Variants in KCNMA1 observed in about 807,000 individuals in gnomAD.
KCNMA1 encodes potassium calcium-activated channel subfamily M alpha 1.
A neutral mutation model predicts 140.0 loss-of-function variants in KCNMA1; 29 were observed. That is an observed-to-expected ratio of 0.21 (90% CI 0.15 to 0.28). KCNMA1 has a LOEUF of 0.28. Among genes scored for constraint, KCNMA1 ranks in the 10% least tolerant of loss-of-function variants. The pLI is 1.00. For missense variants in KCNMA1, 880 were observed against 1,602.2 expected (o/e 0.55, Z 7.70); for synonymous variants, 612 against 611.9 (o/e 1.00, Z 0.00).
intron 1 of KCNMA1, among the ~76,000 whole-genome samples, chr10:77,484,810 T>C (rs1414851983): frequency 6.6e-6 from 1 of 152,236 alleles, no homozygotes; most frequent in Non-Finnish European, 1.5e-5. Context: ...TTACTGCTGA[T>C]ATGAAAACTC....
chr10:76,929,781 A>G (rs1194277551), intron 23 of KCNMA1, among the ~76,000 whole-genome samples: 1 of 152,186 alleles, frequency 6.6e-6, no homozygotes, highest in Non-Finnish European at 1.5e-5. Context: ...GGTGAGTGCA[A>G]TGTGCAGCTA....
At chr10:77,347,490 A>C (rs926058759) in intron 2 of KCNMA1, among the ~76,000 whole-genome samples, 2 of 152,134 alleles carry the variant, frequency 1.3e-5, no homozygotes, top group African/African-American at 4.8e-5. Flanking sequence ...CCCCTGTCTG[A>C]GGCTGGTTGA....
chr10:77,176,675 C>T (rs978812313), intron 5 of KCNMA1, among the ~76,000 whole-genome samples: 6 of 152,170 alleles, frequency 3.9e-5, no homozygotes, highest in African/African-American at 1.4e-4. Context: ...GCACCCTCTT[C>T]TGGGCTCTGA....
chr10:77,014,903 C>A (rs2091689389), intron 17 of KCNMA1, among the ~76,000 whole-genome samples: 1 of 152,194 alleles, frequency 6.6e-6, no homozygotes, highest in Non-Finnish European at 1.5e-5. Flanking sequence ...CCTTACTGCA[C>A]ACCTGCACCT....
intron 1 of KCNMA1, among the ~76,000 whole-genome samples, chr10:77,554,226 G>A (rs1282197787): frequency 6.6e-6 from 1 of 152,200 alleles, no homozygotes; most frequent in Non-Finnish European, 1.5e-5. Context: ...GCAGAGACAG[G>A]ATCAAAGGCT....
At position 76,947,056 on chromosome 10, in the gene KCNMA1, C is replaced by T. The variant is rs149283900; in HGVS notation, c.2709+2086G>A. On this transcript the variant is annotated intron_variant, in intron 22 of 27. Coordinates refer to ENST00000286628, the MANE Select transcript of KCNMA1 (RefSeq NM_001161352.2). Reference sequence around the variant, plus strand: ...GAACGTGTACAAGGGCACACAGAGCCGGGCGCGGTGGCTGATGCCTGTAAT... The same window carrying T: ...GAACGTGTACAAGGGCACACAGAGCTGGGCGCGGTGGCTGATGCCTGTAAT... 5.3e-3 allele frequency among the ~76,000 whole-genome samples: 814 copies of T among 152,212 alleles called. 4 individuals carry two copies. Among genetic ancestry groups the T allele is most frequent in the Non-Finnish European group, 9.6e-3 (654 of 68,006 alleles).
intron 1 of KCNMA1, among the ~76,000 whole-genome samples, chr10:77,481,774 CA>C (rs61269933): frequency 0.078 from 10,381 of 132,494 alleles, 938 homozygotes; most frequent in African/African-American, 0.24. Context: ...GACTCTGTCT[CA>C]AAAAAAAAAA....
rs7078702 is a variant in KCNMA1, at chr10:76,886,945, G to A, written c.*321C>T. On this transcript the variant is annotated 3_prime_UTR_variant, in exon 28 of 28. Coordinates refer to ENST00000286628, the MANE Select transcript of KCNMA1 (RefSeq NM_001161352.2). ...AATAAACTTGCTCTGCCTAACTGAC[G>A]TTGATCACAAGTGCTCCCTTCTAAT... The A allele has an allele frequency of 2.6e-3, 3,053 of 1,196,804 alleles. 46 individuals carry two copies. The African/African-American group carries it at 0.039, about 15-fold the overall frequency. 74.1% of individuals were successfully genotyped at this position (1,196,804 alleles called of 1,614,324 possible).
At chr10:77,611,257 C>T (rs1379795297) in intron 1 of KCNMA1, among the ~76,000 whole-genome samples, 1 of 152,334 alleles carries the variant, frequency 6.6e-6, no homozygotes, top group East Asian at 1.9e-4. Flanking sequence ...AGAACCTGTG[C>T]TAGGAATGCT....
intron 2 of KCNMA1, among the ~76,000 whole-genome samples, chr10:77,299,837 C>T (rs2076137567): frequency 6.6e-6 from 1 of 152,152 alleles, no homozygotes; most frequent in African/African-American, 2.4e-5. Context: ...GCATCAAGGT[C>T]CCCAGAGCTA....
At chr10:77,603,261 C>T (rs1448825271) in intron 1 of KCNMA1, among the ~76,000 whole-genome samples, 1 of 152,178 alleles carries the variant, frequency 6.6e-6, no homozygotes, top group Non-Finnish European at 1.5e-5. Flanking sequence ...CGCAGGACTT[C>T]CTGCAGAGTC....
intron 2 of KCNMA1, among the ~76,000 whole-genome samples, chr10:77,286,194 C>G (rs1392198565): frequency 6.6e-6 from 1 of 152,066 alleles, no homozygotes; most frequent in Non-Finnish European, 1.5e-5. Flanking sequence ...AAATGGAAAG[C>G]CCATCTCACT....
At chr10:76,966,317 C>T (rs942229597) in intron 20 of KCNMA1, among the ~76,000 whole-genome samples, 1 of 152,174 alleles carries the variant, frequency 6.6e-6, no homozygotes, top group African/African-American at 2.4e-5. Context: ...GAAATCTCAT[C>T]AACCAAAAAG....
intron 3 of KCNMA1, among the ~76,000 whole-genome samples, chr10:77,197,030 A>C (rs1303055764): frequency 6.7e-6 from 1 of 149,450 alleles, no homozygotes; most frequent in South Asian, 2.1e-4. Flanking sequence ...GCCCTAAGGC[A>C]AAAAAAAAAT....
chr10:77,244,246 T>C (rs1286771847), intron 3 of KCNMA1, among the ~76,000 whole-genome samples: 4 of 152,188 alleles, frequency 2.6e-5, no homozygotes, highest in Non-Finnish European at 4.4e-5. Flanking sequence ...CAGGAAAGGA[T>C]GCTGAGGCTC....
At chr10:77,433,426 T>G (rs540527884) in intron 1 of KCNMA1, 2 of 152,336 alleles carry the variant, frequency 1.3e-5, no homozygotes, top group African/African-American at 2.4e-5. Flanking sequence ...ATTCTGGGAT[T>G]ACAGGCATGA....
chr10:77,112,343 A>G, intron 7 of KCNMA1, 24 bp downstream of exon 7: 4 of 1,571,930 alleles, frequency 2.5e-6, no homozygotes, highest in Non-Finnish European at 3.5e-6. Flanking sequence ...AAGCGAGAGC[A>G]GAAGGGTCTT....
rs530841195 is a variant in KCNMA1 at position 76,922,004 on chromosome 10, A to G, written c.2903-6955T>C. On this transcript the variant is annotated intron_variant, in intron 23 of 27. Coordinates refer to ENST00000286628, the MANE Select transcript of KCNMA1 (RefSeq NM_001161352.2). ...TCCCCAAAGGCCACCCCAACAGGGT[A>G]GAGGTAGCCCCCAACAAGGTGCTGG... Among the ~76,000 whole-genome samples the G allele has an allele frequency of 2.0e-5, 3 of 152,318 alleles. No individual in the cohort carries two copies. The East Asian group carries it at 5.8e-4, about 29-fold the overall frequency.
chr10:77,636,387 C>T, intron 1 of KCNMA1: 1 of 1,535,858 alleles, frequency 6.5e-7, no homozygotes, highest in Non-Finnish European at 8.7e-7. Context: ...CCAGGAATAG[C>T]TAAAGCCGAC....
Sources: gnomAD v4.1 joint callset for allele counts (sites outside exome capture counted in the v4.1 genomes callset) on GRCh38, gnomAD v4.1.1 for gene constraint, MANE v1.5 for transcripts, NCBI Gene and HGNC (gene_info 2026-07-23, HGNC 2026-07-21) for gene names.